The following LUC7L variants were observed in gnomAD, a reference collection of about 807,000 sequenced individuals.
LUC7L encodes the protein LUC7 like, also known as putative RNA-binding protein Luc7-like 1.
Under a neutral mutation model 51.1 loss-of-function variants are expected in LUC7L, and 29 were observed. The ratio of observed to expected loss-of-function variants is 0.57; its 90% CI spans 0.42 to 0.77. The LOEUF (loss-of-function observed/expected upper bound fraction) is 0.77. Among genes scored for constraint, LUC7L ranks in the 30% least tolerant of loss-of-function variants. The probability of loss-of-function intolerance (pLI) is 0.00; values close to 1 mark genes in which losing one functional copy is unlikely to be tolerated. For synonymous variants in LUC7L, 181 were observed against 180.7 expected, an observed-to-expected ratio of 1.00 and a Z score of -0.01; for missense variants, 403 against 511.9, an observed-to-expected ratio of 0.79 and a Z score of 2.05.
At chr16:213,050 A>G (rs2049689748) in intron 3 of LUC7L, among the ~76,000 whole-genome samples, 1 of 152,114 alleles carries the variant, frequency 6.6e-6, no homozygotes, top group Non-Finnish European at 1.5e-5. Context: ...TACAGGCGTG[A>G]GCGCACACCT....
chr16:198,620 T>A (rs1179568885), intron 6 of LUC7L, among the ~76,000 whole-genome samples: 1 of 152,178 alleles, frequency 6.6e-6, no homozygotes, highest in Non-Finnish European at 1.5e-5. Flanking sequence ...GTCTCTTGTG[T>A]GAATCCAAGT....
chr16:227,594 G>A lies in LUC7L; in HGVS notation c.62-258C>T, dbSNP rs139347877. On this transcript the variant is annotated intron_variant, in intron 1 of 9. Coordinates refer to ENST00000293872, the MANE Select transcript of LUC7L (RefSeq NM_201412.3). Reference sequence around the variant, plus strand: ...TACCAAAGAAGTCAAGGAGTCAGACGTAAACAGCTGAGCACCAAAAGGCCA... The same window carrying A: ...TACCAAAGAAGTCAAGGAGTCAGACATAAACAGCTGAGCACCAAAAGGCCA... The A allele has an allele frequency of 2.1e-4, 273 of 1,289,356 alleles. 2 individuals are homozygous for A. The Middle Eastern group carries it at 2.8e-3, about 13-fold the overall frequency. 79.9% of individuals were successfully genotyped at this position (1,289,356 alleles called of 1,614,324 possible).
intron 3 of LUC7L, among the ~76,000 whole-genome samples, chr16:213,983 G>C (rs766120744): frequency 1.4e-4 from 22 of 152,060 alleles, no homozygotes; most frequent in Non-Finnish European, 2.4e-4. Flanking sequence ...CAAAGTGCTG[G>C]GATTACAGGA....
intron 5 of LUC7L, 36 bp from the exon 6 acceptor site, chr16:199,274 TATAG>T (rs2049251612): frequency 1.5e-6 from 2 of 1,369,756 alleles, no homozygotes; most frequent in Non-Finnish European, 2.0e-6. Context: ...AAGTGAGGTA[TATAG>T]AACTGCCACC....
intron 4 of LUC7L, among the ~76,000 whole-genome samples, chr16:207,431 A>G (rs915941319): frequency 1.3e-5 from 2 of 152,160 alleles, no homozygotes; most frequent in Non-Finnish European, 2.9e-5. Context: ...CATGTTGCTC[A>G]GGTCTAAAAC....
At chr16:208,665 C>T in intron 3 of LUC7L, 1 of 984,282 alleles carries the variant, frequency 1.0e-6, no homozygotes, top group Non-Finnish European at 1.2e-6. Flanking sequence ...CCCCTTTCAC[C>T]TCAAAAACAA....
At chr16:217,157 G>T (rs1358739173) in intron 3 of LUC7L, among the ~76,000 whole-genome samples, 1 of 151,972 alleles carries the variant, frequency 6.6e-6, no homozygotes, top group Non-Finnish European at 1.5e-5. Flanking sequence ...GTTGGGATTA[G>T]AGGACAGCAC....
chr16:193,559 C>T (rs893572966), intron 6 of LUC7L, among the ~76,000 whole-genome samples: 1 of 152,074 alleles, frequency 6.6e-6, no homozygotes, highest in Non-Finnish European at 1.5e-5. Context: ...TGCAGTGGCG[C>T]GATCTTTGCT....
At chr16:211,877 C>T (rs1021294746) in intron 3 of LUC7L, among the ~76,000 whole-genome samples, 3 of 152,218 alleles carry the variant, frequency 2.0e-5, no homozygotes, top group African/African-American at 7.2e-5. Context: ...TCTCCCGGCC[C>T]AGCAGCACTG....
chr16:190,598 G>C (rs764359390), intron 7 of LUC7L, 28 bp from the exon 8 acceptor site: 7 of 1,610,842 alleles, frequency 4.3e-6, no homozygotes, highest in Admixed American at 1.7e-5. Flanking sequence ...AGATGAACAA[G>C]GCCAGGCATG....
chr16:189,246 C>T lies in LUC7L; in HGVS notation c.1068G>A (p.Gly356=), dbSNP rs757955405. 5 of 1,614,090 alleles carry T rather than the reference C, an allele frequency of 3.1e-6. No homozygotes were observed. The South Asian group carries it at 5.5e-5, about 18-fold the overall frequency. Residue 356 remains glycine (G), a synonymous_variant, in exon 10 of 10, where the codon GGG becomes GGA. Coordinates refer to ENST00000293872, the MANE Select transcript of LUC7L (RefSeq NM_201412.3). ...CTTCTGACCTCCGTGAAGCCATCTTCCCGTTGGAGCTCTCAAGCCTCCAGT... is the reference window on the plus strand; with the variant it reads ...CTTCTGACCTCCGTGAAGCCATCTTTCCGTTGGAGCTCTCAAGCCTCCAGT... ...PPDWRLESSN[G]KMASRRSEEK...
At chr16:217,978 T>C (rs968502109) in intron 3 of LUC7L, among the ~76,000 whole-genome samples, 2 of 147,130 alleles carry the variant, frequency 1.4e-5, no homozygotes. Flanking sequence ...TGAGCCGAGA[T>C]CATGCCACTG....
At chr16:213,915 T>C (rs1204782727) in intron 3 of LUC7L, among the ~76,000 whole-genome samples, 2 of 151,696 alleles carry the variant, frequency 1.3e-5, no homozygotes, top group African/African-American at 2.4e-5. Flanking sequence ...GGGGTCTCAC[T>C]ATCTTGGCCA....
chr16:216,573 G>GTGTTGTAC (rs1216555411), intron 3 of LUC7L, among the ~76,000 whole-genome samples: 2 of 151,414 alleles, frequency 1.3e-5, no homozygotes. Flanking sequence ...GGTAGACACG[G>GTGTTGTAC]TGTTGTACTA....
chr16:222,684 A>G (rs1199844395), intron 2 of LUC7L, among the ~76,000 whole-genome samples: 1 of 149,542 alleles, frequency 6.7e-6, no homozygotes, highest in Non-Finnish European at 1.5e-5. Context: ...TGTTGCCCAG[A>G]CTGTAGTGCA....
intron 6 of LUC7L, among the ~76,000 whole-genome samples, chr16:197,462 C>T (rs1468151167): frequency 6.6e-6 from 1 of 152,164 alleles, no homozygotes; most frequent in Admixed American, 6.6e-5. Flanking sequence ...CCACCTGCCT[C>T]GGCCTCCCGA....
intron 3 of LUC7L, among the ~76,000 whole-genome samples, chr16:211,687 T>C (rs927003480): frequency 6.6e-6 from 1 of 151,246 alleles, no homozygotes; most frequent in Non-Finnish European, 1.5e-5. Flanking sequence ...AGTCACCCAA[T>C]CTCTCTCTAT....
chr16:194,863 T>C (rs939553904), intron 6 of LUC7L, among the ~76,000 whole-genome samples: 7 of 152,160 alleles, frequency 4.6e-5, no homozygotes, highest in African/African-American at 1.4e-4. Context: ...CTAAGACATT[T>C]AATGCCCCTC....
At chr16:199,306 A>G (rs2049252348) in intron 5 of LUC7L, 68 bp from the exon 6 acceptor site, 4 of 1,021,480 alleles carry the variant, frequency 3.9e-6, no homozygotes, top group Non-Finnish European at 5.8e-6. Flanking sequence ...CAATCTCCAA[A>G]ATGAAAATAT....
Sources: allele counts gnomAD v4.1 joint callset (sites outside exome capture counted in the v4.1 genomes callset), GRCh38; gene constraint gnomAD v4.1.1; transcripts MANE v1.5; gene names NCBI Gene and HGNC (gene_info 2026-07-23, HGNC 2026-07-21).